The following TYW1B variants were observed in gnomAD, a reference collection of about 807,000 sequenced individuals.
TYW1B encodes S-adenosyl-L-methionine-dependent tRNA 4-demethylwyosine synthase TYW1B.
Under a neutral mutation model 86.9 loss-of-function variants are expected in TYW1B, and 73 were observed. The observed-to-expected ratio is 0.84, with a 90% CI of 0.70 to 1.02. The LOEUF is 1.02. TYW1B is among the 50% of genes least tolerant of loss of function. The pLI is 0.00. For synonymous variants in TYW1B, 248 were observed against 292.8 expected (o/e 0.85, Z 1.56); for missense variants, 637 against 827.4 (o/e 0.77, Z 2.82).
chr7:72,608,494 T>A (rs1811853616), intron 13 of TYW1B, among the ~76,000 whole-genome samples: 1 of 152,194 alleles, frequency 6.6e-6, no homozygotes, highest in Non-Finnish European at 1.5e-5. Flanking sequence ...TATATATGCA[T>A]AATGTAATAT....
At chr7:72,613,401 C>CTTTTTTTTTTTTTTTTTTTTTTTT (rs71517349) in intron 13 of TYW1B, among the ~76,000 whole-genome samples, 2 of 80,966 alleles carry the variant, frequency 2.5e-5, no homozygotes, top group African/African-American at 5.3e-5. Flanking sequence ...TTTATATCTT[C>CTTTTTTTTTTTTTTTTTTTTTTTT]TTTTTTTTTT....
chr7:72,750,092 G>A (rs539692925), intron 7 of TYW1B, among the ~76,000 whole-genome samples: 2 of 151,014 alleles, frequency 1.3e-5, no homozygotes, highest in Admixed American at 6.6e-5. Flanking sequence ...TTTGAGATGG[G>A]GTCTTGCTAT....
chr7:72,716,860 G>GC (rs1277457213), intron 9 of TYW1B, among the ~76,000 whole-genome samples: 10 of 139,962 alleles, frequency 7.1e-5, no homozygotes, highest in Non-Finnish European at 1.2e-4. Context: ...ATGTTGGCCC[G>GC]CCTCAGCCTC....
intron 13 of TYW1B, among the ~76,000 whole-genome samples, chr7:72,614,010 T>TA (rs1379228785): frequency 2.1e-4 from 9 of 43,474 alleles, no homozygotes; most frequent in African/African-American, 6.9e-4. Flanking sequence ...GCTGGGGGGG[T>TA]GGGGGGCAGG....
chr7:72,646,398 G>T (rs782057550), intron 11 of TYW1B, among the ~76,000 whole-genome samples: 13 of 151,266 alleles, frequency 8.6e-5, no homozygotes, highest in Admixed American at 1.3e-4. Flanking sequence ...TTGAGACAGG[G>T]TCTCATTCTG....
At chr7:72,803,042 C>T (rs1411301002) in intron 5 of TYW1B, among the ~76,000 whole-genome samples, 3 of 152,066 alleles carry the variant, frequency 2.0e-5, no homozygotes, top group Non-Finnish European at 4.4e-5. Context: ...TTGAAACCAG[C>T]CTGGGGAACA....
chr7:72,603,730 G>GA (rs34984054), intron 13 of TYW1B, among the ~76,000 whole-genome samples: 27,064 of 152,092 alleles, frequency 0.18, 3,242 homozygotes, highest in East Asian at 0.56. Context: ...ATGATGTGAT[G>GA]AAAACGGCAC....
At chr7:72,631,615 G>C (rs1812493918) in intron 11 of TYW1B, among the ~76,000 whole-genome samples, 1 of 151,988 alleles carries the variant, frequency 6.6e-6, no homozygotes, top group South Asian at 2.1e-4. Context: ...TATAATCAAA[G>C]CAACAAGGCC....
chr7:72,826,153 T>C (rs1326349598), intron 2 of TYW1B, among the ~76,000 whole-genome samples: 2 of 152,198 alleles, frequency 1.3e-5, no homozygotes, highest in Non-Finnish European at 2.9e-5. Context: ...CAAAGATGTC[T>C]TTCTCTCGAA....
intron 13 of TYW1B, among the ~76,000 whole-genome samples, chr7:72,609,263 T>C (rs1554435468): frequency 6.6e-6 from 1 of 152,108 alleles, no homozygotes; most frequent in East Asian, 1.9e-4. Flanking sequence ...CCCAGGATTA[T>C]TAGTAGAAAT....
At chr7:72,577,418 C>A (rs1811047917) in intron 13 of TYW1B, among the ~76,000 whole-genome samples, 1 of 152,126 alleles carries the variant, frequency 6.6e-6, no homozygotes, top group African/African-American at 2.4e-5. Context: ...CTCTACAACC[C>A]AAGATGTAAA....
chr7:72,773,994 G>C (rs1787909247), intron 7 of TYW1B, among the ~76,000 whole-genome samples: 1 of 150,928 alleles, frequency 6.6e-6, no homozygotes, highest in African/African-American at 2.4e-5. Context: ...GAACTCAGGA[G>C]GAGGAGGTGG....
Position 72,758,089 on chromosome 7 carries a change from G to A in TYW1B, c.965-13488C>T, listed in dbSNP as rs571240177. Among the ~76,000 whole-genome samples, 256 of 152,162 alleles carry A rather than the reference G, an allele frequency of 1.7e-3. 2 individuals carry two copies. The highest frequency in any genetic ancestry group is 1.0e-3 in the South Asian group (5 of 4,820). ...AAAAAAATTAGCCAGTCGTGGTGGC[G>A]TGCGCCTGTAATCCCAGTTACTAGG... On this transcript the variant is annotated intron_variant, in intron 7 of 13. Coordinates refer to ENST00000620995, the MANE Select transcript of TYW1B (RefSeq NM_001145440.3).
chr7:72,630,032 A>T (rs1240092322), intron 11 of TYW1B, among the ~76,000 whole-genome samples: 1 of 152,160 alleles, frequency 6.6e-6, no homozygotes, highest in East Asian at 1.9e-4. Flanking sequence ...TAATCCCAGC[A>T]CTTTGGGAGG....
intron 6 of TYW1B, among the ~76,000 whole-genome samples, chr7:72,782,123 A>C (rs1286139161): frequency 3.3e-5 from 5 of 152,070 alleles, no homozygotes; most frequent in African/African-American, 4.8e-5. Context: ...AGCTCTACAA[A>C]AAAAAATTTT....
intron 10 of TYW1B, among the ~76,000 whole-genome samples, chr7:72,709,679 A>C (rs1188148683): frequency 1.3e-5 from 2 of 152,168 alleles, no homozygotes; most frequent in East Asian, 1.9e-4. Context: ...AAAACAAAAA[A>C]AAAAATTCCA....
chr7:72,698,326 A>T (rs1480670712), intron 10 of TYW1B, among the ~76,000 whole-genome samples: 1 of 152,150 alleles, frequency 6.6e-6, no homozygotes, highest in Non-Finnish European at 1.5e-5. Flanking sequence ...CAAAAGGTTA[A>T]GTAACATGTG....
intron 9 of TYW1B, among the ~76,000 whole-genome samples, chr7:72,718,280 G>A (rs1206856905): frequency 6.6e-6 from 1 of 151,974 alleles, no homozygotes; most frequent in Non-Finnish European, 1.5e-5. Context: ...GGGTACACAC[G>A]GACCTAAAGA....
At chr7:72,635,116 C>T (rs1389403556) in intron 11 of TYW1B, among the ~76,000 whole-genome samples, 1 of 152,044 alleles carries the variant, frequency 6.6e-6, no homozygotes, top group Non-Finnish European at 1.5e-5. Flanking sequence ...TATCATATTG[C>T]CACTCACATT....
Sources: allele counts gnomAD v4.1 joint callset (sites outside exome capture counted in the v4.1 genomes callset), GRCh38; gene constraint gnomAD v4.1.1; transcripts MANE v1.5; gene names NCBI Gene and HGNC (gene_info 2026-07-23, HGNC 2026-07-21).